CCDC18: variants seen among roughly 807,000 people sequenced by gnomAD.
CCDC18 encodes the protein coiled-coil domain containing 18.
CCDC18 carries 157 observed loss-of-function variants against 196.0 expected under a neutral mutation model. That is an observed-to-expected ratio of 0.80 (90% CI 0.70 to 0.91). The LOEUF (loss-of-function observed/expected upper bound fraction) is 0.91. Among genes scored for constraint, CCDC18 ranks in the 40% least tolerant of loss-of-function variants. The pLI is 0.00. For missense variants in CCDC18, 1,465 were observed against 1,611.6 expected (o/e 0.91, Z 1.56); for synonymous variants, 482 against 529.2 (o/e 0.91, Z 1.22).
At chr1:93,201,720 T>G (rs1653870336) in intron 6 of CCDC18, among the ~76,000 whole-genome samples, 172 bp from the exon 7 acceptor site, 1 of 152,110 alleles carries the variant, frequency 6.6e-6, no homozygotes, top group African/African-American at 2.4e-5. Flanking sequence ...AGAAAATTTT[T>G]GTAGTATGAT....
intron 14 of CCDC18, 98 bp downstream of exon 14, chr1:93,217,967 C>T (rs1656779804): frequency 3.9e-6 from 4 of 1,014,490 alleles, no homozygotes; most frequent in East Asian, 4.8e-5. Context: ...CAAAGATACA[C>T]AAAAGTTAGT....
chr1:93,226,272 G>A, intron 16 of CCDC18, 61 bp from the exon 17 acceptor site: 1 of 708,936 alleles, frequency 1.4e-6, no homozygotes, highest in Non-Finnish European at 2.4e-6. Context: ...AGATAAATCT[G>A]TAAAATATTG....
At chr1:93,255,314 T>A (rs894227227) in intron 24 of CCDC18, among the ~76,000 whole-genome samples, 8 of 152,106 alleles carry the variant, frequency 5.3e-5, no homozygotes, top group African/African-American at 7.2e-5. Context: ...AAAGAATGGA[T>A]AAATAAATAA....
chr1:93,255,735 C>T (rs1314050193), intron 24 of CCDC18, among the ~76,000 whole-genome samples: 1 of 125,258 alleles, frequency 8.0e-6, no homozygotes, highest in Non-Finnish European at 1.6e-5. Flanking sequence ...GAGCCTGTAC[C>T]AAACGAAGAA....
At chr1:93,272,594 A>G (rs1017767254) in intron 28 of CCDC18, among the ~76,000 whole-genome samples, 9 of 152,188 alleles carry the variant, frequency 5.9e-5, no homozygotes, top group African/African-American at 1.9e-4. Context: ...ATTATTGACT[A>G]TCATATTTGG....
At chr1:93,211,229 G>GAT (rs1655585917) in intron 10 of CCDC18, among the ~76,000 whole-genome samples, 1 of 149,476 alleles carries the variant, frequency 6.7e-6, no homozygotes, top group Non-Finnish European at 1.5e-5. Context: ...AGTGAGCTGA[G>GAT]ATAGTGCCAC....
chr1:93,221,777 G>A, intron 15 of CCDC18, 34 bp downstream of exon 15: 1 of 1,595,934 alleles, frequency 6.3e-7, no homozygotes, highest in East Asian at 2.3e-5. Flanking sequence ...CTATTTAGAA[G>A]TTGACTAATA....
At chr1:93,207,763 A>G (rs150440639) in intron 9 of CCDC18, among the ~76,000 whole-genome samples, 68 of 152,282 alleles carry the variant, frequency 4.5e-4, no homozygotes, top group African/African-American at 1.5e-3. Flanking sequence ...GTCATCCCCA[A>G]AAGGTATTTT....
chr1:93,202,837 G>A (rs962561556), intron 7 of CCDC18, among the ~76,000 whole-genome samples: 1 of 152,168 alleles, frequency 6.6e-6, no homozygotes, highest in Admixed American at 6.5e-5. Flanking sequence ...AATAATTTCA[G>A]TATTTTGGAA....
chr1:93,199,124 G>A (rs933517045), intron 6 of CCDC18, among the ~76,000 whole-genome samples: 4 of 152,208 alleles, frequency 2.6e-5, no homozygotes, highest in Admixed American at 2.6e-4. Context: ...AAACCTCTGT[G>A]GCCAGTGGCA....
chr1:93,208,963 C>T (rs1484197291), intron 9 of CCDC18, among the ~76,000 whole-genome samples: 2 of 151,626 alleles, frequency 1.3e-5, no homozygotes, highest in Non-Finnish European at 2.9e-5. Flanking sequence ...CATGCCCGGC[C>T]TTTTATTTTT....
At chr1:93,187,774 T>G (rs1012486513) in intron 4 of CCDC18, among the ~76,000 whole-genome samples, 1 of 152,130 alleles carries the variant, frequency 6.6e-6, no homozygotes, top group Non-Finnish European at 1.5e-5. Context: ...TGACCAAATT[T>G]TAGGGAAATA....
chr1:93,216,129 A>G (rs1656441724), intron 12 of CCDC18, among the ~76,000 whole-genome samples: 1 of 152,250 alleles, frequency 6.6e-6, no homozygotes. Context: ...GTTTATAACT[A>G]TGGCTACCAG....
rs1446648317 is a variant in CCDC18 at position 93,207,086 on chromosome 1, TTTA to T, written c.918-18_918-16del. On this transcript the variant is annotated intron_variant, in intron 8 of 28. Transcript: ENST00000690025. ...AATGCATATATATTTTATTTTCATT[TTTA>T]TTCTCTTTTCTTCATAGGCAGTTAA... The T allele has an allele frequency of 7.7e-7, 1 of 1,293,446 alleles. No individual in the cohort carries two copies. Among genetic ancestry groups the T allele is most frequent in the Non-Finnish European group, 1.1e-6 (1 of 943,502 alleles). 80.1% of individuals were successfully genotyped at this position (1,293,446 alleles called of 1,614,324 possible).
chr1:93,258,331 TA>T (rs2101128533), intron 25 of CCDC18, among the ~76,000 whole-genome samples: 1 of 152,150 alleles, frequency 6.6e-6, no homozygotes, highest in East Asian at 1.9e-4. Flanking sequence ...ATTACACAAT[TA>T]AAATTACAAG....
chr1:93,253,189 G>A (rs1361637542), intron 23 of CCDC18, among the ~76,000 whole-genome samples: 2 of 152,202 alleles, frequency 1.3e-5, no homozygotes, highest in African/African-American at 4.8e-5. Context: ...CCCAACGACA[G>A]TGTGAGGAGC....
At chr1:93,180,368 CGCG>C, upstream of CCDC18, 11 of 1,315,846 alleles carry the variant, frequency 8.4e-6, no homozygotes, top group Admixed American at 2.9e-5. Flanking sequence ...AGGTGGCGGC[CGCG>C]GCGGCGGCGA....
chr1:93,225,645 T>C (rs1243104288), intron 16 of CCDC18, among the ~76,000 whole-genome samples: 1 of 151,894 alleles, frequency 6.6e-6, no homozygotes, highest in Non-Finnish European at 1.5e-5. Context: ...GACATGGTGG[T>C]GCATACCTGT....
rs142448628 is a variant in CCDC18, at chr1:93,252,649, T to C, written c.3199-1822T>C. Among the ~76,000 whole-genome samples, 8 of 152,304 alleles carry C rather than the reference T, an allele frequency of 5.3e-5. No homozygotes were observed. In the South Asian group the frequency reaches 6.2e-4, roughly 12 times the overall value. On this transcript the variant is annotated intron_variant, in intron 23 of 28. Coordinates refer to ENST00000690025, the MANE Select transcript of CCDC18 (RefSeq NM_001378204.1). ...GCCTAATATTGTTCATTTGGTAAGG[T>C]TGTATTTCTTTCAATGTTCTTGATA... is the stretch of plus-strand genomic sequence containing the variant.
Sources: gnomAD v4.1 joint callset for allele counts (sites outside exome capture counted in the v4.1 genomes callset) on GRCh38, gnomAD v4.1.1 for gene constraint, MANE v1.5 for transcripts, NCBI Gene and HGNC (gene_info 2026-07-23, HGNC 2026-07-21) for gene names.